Variants in FAAH2 observed in about 807,000 individuals in gnomAD.
FAAH2 encodes fatty acid amide hydrolase 2.
In FAAH2, 60 loss-of-function variants were observed where a neutral mutation model predicts 36.9. The ratio of observed to expected loss-of-function variants is 1.63; its 90% CI spans 1.32 to 2.02. The LOEUF (loss-of-function observed/expected upper bound fraction) is 2.02, where lower values mean the gene tolerates loss of function less well. Among genes scored for constraint, FAAH2 ranks in the 30% most tolerant of loss-of-function variants. The pLI is 0.00. For missense variants in FAAH2, 689 were observed against 397.5 expected, an observed-to-expected ratio of 1.73 and a Z score of -6.23; for synonymous variants, 214 against 143.8, an observed-to-expected ratio of 1.49 and a Z score of -3.49.
At chrX:57,285,819 T>C (rs1390000811), upstream of FAAH2, among the ~76,000 whole-genome samples, 2 of 111,686 alleles carry the variant, frequency 1.8e-5, no homozygotes, top group Non-Finnish European at 3.8e-5. Flanking sequence ...TGCGGAGTTA[T>C]TGGCAGGGGT....
the FAAH2 span, among the ~76,000 whole-genome samples, chrX:57,129,908 C>G: frequency 8.9e-6 from 1 of 112,328 alleles, no homozygotes; most frequent in Admixed American, 9.4e-5. Flanking sequence ...GTCCTACAAT[C>G]AAAGTCATCT....
chrX:57,442,559 G>A (rs1040879574), intron 8 of FAAH2, among the ~76,000 whole-genome samples: 6 of 111,709 alleles, frequency 5.4e-5, no homozygotes, highest in African/African-American at 2.0e-4. Context: ...TTGACTCTCT[G>A]TCCAATTTGC....
chrX:57,243,519 T>C, the FAAH2 span, among the ~76,000 whole-genome samples: 3 of 111,786 alleles, frequency 2.7e-5, no homozygotes, highest in African/African-American at 6.5e-5. Context: ...ATCTGGAGGG[T>C]GCCCCTCTGG....
the FAAH2 span, among the ~76,000 whole-genome samples, chrX:57,126,260 G>T: frequency 2.7e-5 from 3 of 112,215 alleles, no homozygotes; most frequent in South Asian, 7.4e-4. Flanking sequence ...GGCTAGAAAG[G>T]TTTATATAGA....
intron 7 of FAAH2, among the ~76,000 whole-genome samples, chrX:57,410,637 C>T (rs1466606679): frequency 9.0e-6 from 1 of 110,952 alleles, no homozygotes; most frequent in Admixed American, 9.6e-5. Context: ...CTCTTGTGGG[C>T]CTTATTTTTT....
At position 57,460,620 on chromosome X, in the gene FAAH2, C is replaced by T. The variant is rs1248544800; in HGVS notation, c.1423+11902C>T. ...AAATGCTCAGGGATTTTGTCACTACCAGGCCTGCCTTACAAGAGATCCTGA... is the reference window on the plus strand; with the variant it reads ...AAATGCTCAGGGATTTTGTCACTACTAGGCCTGCCTTACAAGAGATCCTGA... On this transcript the variant is annotated intron_variant, in intron 10 of 10. Transcript: ENST00000374900. 2.7e-5 allele frequency among the ~76,000 whole-genome samples: 3 copies of T among 111,722 alleles called. No homozygotes were observed. The East Asian group carries it at 8.4e-4, about 31-fold the overall frequency.
intron 7 of FAAH2, among the ~76,000 whole-genome samples, chrX:57,423,287 G>A (rs982084152): frequency 2.7e-5 from 3 of 111,863 alleles, no homozygotes; most frequent in African/African-American, 9.8e-5. Context: ...AGTCTCATGT[G>A]GGGAAGGAGA....
rs769907536 is a variant in FAAH2, at chrX:57,394,903, C to T, written c.996+13874C>T. ...TCAGGGCCCTGACTATTTTACTGCACCCAACCACCACAGCATGCCTTCTGG... is the reference window on the plus strand; with the variant it reads ...TCAGGGCCCTGACTATTTTACTGCATCCAACCACCACAGCATGCCTTCTGG... On this transcript the variant is annotated intron_variant, in intron 7 of 10. Transcript: ENST00000374900. 1.8e-4 allele frequency: 134 copies of T among 753,629 alleles called. No individual in the cohort carries two copies. In the African/African-American group the frequency reaches 2.3e-3, roughly 13 times the overall value. 62.1% of individuals were successfully genotyped at this position (753,629 alleles called of 1,213,427 possible). A position where few individuals can be genotyped will look rare whatever the true frequency, so the allele number is the denominator to read the frequency against.
chrX:57,448,931 C>T (rs939889524), intron 10 of FAAH2, among the ~76,000 whole-genome samples: 4 of 111,842 alleles, frequency 3.6e-5, no homozygotes, highest in African/African-American at 9.8e-5. Context: ...CCTACAAGTG[C>T]ATATGAGTAT....
chrX:57,350,803 C>T (rs1399253100), intron 5 of FAAH2, among the ~76,000 whole-genome samples: 1 of 110,711 alleles, frequency 9.0e-6, no homozygotes, highest in African/African-American at 3.3e-5. Context: ...TGTAACAATT[C>T]TAATTATGTA....
chrX:57,137,902 T>C, the FAAH2 span, among the ~76,000 whole-genome samples: 1 of 111,846 alleles, frequency 8.9e-6, no homozygotes, highest in African/African-American at 3.3e-5. Context: ...CACATGCACA[T>C]GTATAAAACT....
intron 2 of FAAH2, among the ~76,000 whole-genome samples, chrX:57,299,421 A>T (rs1248691686): frequency 1.8e-5 from 2 of 110,958 alleles, no homozygotes; most frequent in Non-Finnish European, 3.8e-5. Flanking sequence ...CATGCTAAAA[A>T]CTCTCAATAA....
intron 7 of FAAH2, among the ~76,000 whole-genome samples, chrX:57,390,651 G>A (rs779939104): frequency 6.3e-5 from 7 of 111,149 alleles, no homozygotes; most frequent in Non-Finnish European, 1.1e-4. Flanking sequence ...GTTGCAAAGG[G>A]CATGCTTTCA....
intron 10 of FAAH2, among the ~76,000 whole-genome samples, chrX:57,473,768 T>A (rs754934481): frequency 8.9e-6 from 1 of 111,806 alleles, no homozygotes; most frequent in South Asian, 3.7e-4. Context: ...TATAATGACC[T>A]TATTTATATT....
the FAAH2 span, among the ~76,000 whole-genome samples, chrX:57,258,469 C>T: frequency 4.8e-3 from 534 of 110,658 alleles, 3 homozygotes; most frequent in African/African-American, 0.017. Flanking sequence ...AAAAAGTTTG[C>T]TTCACTGTAA....
the FAAH2 span, among the ~76,000 whole-genome samples, chrX:57,225,711 T>C: frequency 5.3e-5 from 6 of 112,204 alleles, no homozygotes; most frequent in East Asian, 1.7e-3. Flanking sequence ...TCTGTCTTGA[T>C]GACCTGTCTA....
intron 3 of FAAH2, among the ~76,000 whole-genome samples, chrX:57,318,200 C>A (rs979388149): frequency 1.6e-5 from 1 of 63,183 alleles, no homozygotes; most frequent in African/African-American, 3.5e-5. Context: ...CACAACAAAC[C>A]CTTCAAAAAA....
chrX:57,309,583 T>C (rs781703255), intron 2 of FAAH2, among the ~76,000 whole-genome samples: 39 of 111,789 alleles, frequency 3.5e-4, no homozygotes, highest in Non-Finnish European at 6.8e-4. Context: ...GAGTCCAGCA[T>C]GCATTAGCTA....
At chrX:57,159,773 G>A in the FAAH2 span, among the ~76,000 whole-genome samples, 1 of 111,873 alleles carries the variant, frequency 8.9e-6, no homozygotes, top group Non-Finnish European at 1.9e-5. Flanking sequence ...ATACAATGAT[G>A]TGATCTGCAA....
Sources: allele counts gnomAD v4.1 joint callset (sites outside exome capture counted in the v4.1 genomes callset), GRCh38; gene constraint gnomAD v4.1.1; transcripts MANE v1.5; gene names NCBI Gene and HGNC (gene_info 2026-07-23, HGNC 2026-07-21).